The following ZCCHC14 variants were observed in gnomAD, a reference collection of about 807,000 sequenced individuals.
The protein encoded by ZCCHC14 is zinc finger CCHC domain-containing protein 14.
A neutral mutation model predicts 85.0 loss-of-function variants in ZCCHC14; 16 were observed. The ratio of observed to expected loss-of-function variants is 0.19; its 90% CI spans 0.13 to 0.29. The LOEUF is 0.29. Among genes scored for constraint, ZCCHC14 ranks in the 10% least tolerant of loss-of-function variants. The pLI is 1.00. For synonymous variants in ZCCHC14, 775 were observed against 630.7 expected (o/e 1.23, Z -3.43); for missense variants, 1,303 against 1,443.5 (o/e 0.90, Z 1.58).
chr16:87,433,133 A>C lies in ZCCHC14; in HGVS notation c.763T>G (p.Phe255Val). The change falls in exon 3 of 13, where the codon TTT becomes GTT. Residue 255 changes from phenylalanine (F) to valine (V), a missense_variant. Phe to Val is a conservative substitution (Grantham distance 50). This residue lies in a region of ZCCHC14 where 389 missense variants were observed against 397.8 expected (regional missense o/e 0.98). Transcript: ENST00000671377. ...TKNDRNVECS[F>V]EVLWSDSSIT... ...AAAAAAACTTAGCATCTTACCTCAA[A>C]GGAACATTCAACATTTCTGTCATTT... The C allele has an allele frequency of 6.2e-7, 1 of 1,614,210 alleles. No homozygotes were observed. The highest frequency in any genetic ancestry group is 8.5e-7 in the Non-Finnish European group (1 of 1,180,002).
chr16:87,457,057 G>C (rs1313722278), intron 2 of ZCCHC14, among the ~76,000 whole-genome samples: 1 of 152,170 alleles, frequency 6.6e-6, no homozygotes, highest in Non-Finnish European at 1.5e-5. Context: ...ACAGGGACTG[G>C]AGCGCTGGAG....
At chr16:87,455,117 C>G (rs1054560160) in intron 2 of ZCCHC14, among the ~76,000 whole-genome samples, 1 of 152,176 alleles carries the variant, frequency 6.6e-6, no homozygotes, top group African/African-American at 2.4e-5. Context: ...GGAGAAACCC[C>G]ATCTCTACTA....
At chr16:87,451,516 A>G (rs920020219) in intron 2 of ZCCHC14, among the ~76,000 whole-genome samples, 2 of 152,248 alleles carry the variant, frequency 1.3e-5, no homozygotes, top group African/African-American at 4.8e-5. Flanking sequence ...ATTTGTAATG[A>G]TTAGTGATGT....
chr16:87,486,786 A>C (rs1443649467), intron 1 of ZCCHC14, among the ~76,000 whole-genome samples: 1 of 152,260 alleles, frequency 6.6e-6, no homozygotes, highest in Non-Finnish European at 1.5e-5. Flanking sequence ...CTTAGTTCAC[A>C]GACAAGTTCA....
intron 2 of ZCCHC14, among the ~76,000 whole-genome samples, chr16:87,443,611 C>A (rs1264218227): frequency 6.6e-6 from 1 of 152,166 alleles, no homozygotes; most frequent in Admixed American, 6.5e-5. Context: ...GTGGTACACA[C>A]CTGTAGCCCC....
At chr16:87,465,129 C>T (rs73242705) in intron 1 of ZCCHC14, among the ~76,000 whole-genome samples, 7,292 of 152,316 alleles carry the variant, frequency 0.048, 285 homozygotes, top group African/African-American at 0.097. Context: ...CCCTGGCTGT[C>T]CCCTCTGCCT....
chr16:87,469,701 C>G (rs1043369917), intron 1 of ZCCHC14, among the ~76,000 whole-genome samples: 1 of 152,196 alleles, frequency 6.6e-6, no homozygotes, highest in Non-Finnish European at 1.5e-5. Flanking sequence ...TGCTTCAGTG[C>G]TGTCACAGAG....
rs1255394794 is a variant in ZCCHC14 at position 87,420,637 on chromosome 16, C to T, written c.920G>A (p.Arg307Gln). The stretch of plus-strand genomic sequence containing the variant: ...GCCTGAGTCCAGATCCACGTGGTTT[C>T]GCTCCACATAAAATGCGTCCGGACC... ...LAGPDAFYVERNHVDLDSGLR... is the reference protein window; with the variant it reads ...LAGPDAFYVEQNHVDLDSGLR... The change falls in exon 5 of 13, where the codon CGA (arginine) becomes CAA (glutamine). Residue 307 changes from arginine to glutamine, a missense_variant. Physicochemically the swap from Arg to Gln is conservative, Grantham distance 43. Coordinates refer to ENST00000671377, the MANE Select transcript of ZCCHC14 (RefSeq NM_015144.3). The surrounding 1 kb of genome is among the most constrained non-coding windows in gnomAD (Gnocchi z 5.0). 1.2e-6 allele frequency: 2 copies of T among 1,613,816 alleles called. No homozygotes were observed. Among genetic ancestry groups the T allele is most frequent in the Non-Finnish European group, 1.7e-6 (2 of 1,179,846 alleles).
At chr16:87,446,977 G>A (rs1434688820) in intron 2 of ZCCHC14, among the ~76,000 whole-genome samples, 6 of 152,094 alleles carry the variant, frequency 3.9e-5, no homozygotes, top group East Asian at 1.9e-4. Flanking sequence ...ATGAGCCACC[G>A]TGCCCGGCCA....
intron 1 of ZCCHC14, among the ~76,000 whole-genome samples, chr16:87,487,525 G>A (rs1450176686): frequency 6.6e-6 from 1 of 152,184 alleles, no homozygotes; most frequent in African/African-American, 2.4e-5. Context: ...TCCCCAGGCT[G>A]GCTGAGGCCA....
Position 87,414,552 on chromosome 16 carries a change from AT to A in ZCCHC14, c.1476-12del. On this transcript the variant is annotated splice_polypyrimidine_tract_variant and intron_variant, in intron 9 of 12. Coordinates refer to ENST00000671377, the MANE Select transcript of ZCCHC14 (RefSeq NM_015144.3). ...CTCTCTGACTTCTCCCTGTGAAATAATCAAGCACAGGAACAAGTGAGCACTG... is the reference window on the plus strand; with the variant it reads ...CTCTCTGACTTCTCCCTGTGAAATAACAAGCACAGGAACAAGTGAGCACTG... The A allele has an allele frequency of 6.2e-7, 1 of 1,607,658 alleles. No individual in the cohort carries two copies. Among genetic ancestry groups the A allele is most frequent in the Non-Finnish European group, 8.5e-7 (1 of 1,176,440 alleles).
At chr16:87,442,471 T>A (rs1329328373) in intron 2 of ZCCHC14, among the ~76,000 whole-genome samples, 1 of 152,164 alleles carries the variant, frequency 6.6e-6, no homozygotes, top group Non-Finnish European at 1.5e-5. Context: ...AAGCAGCTAC[T>A]GGCACAATGC....
At position 87,410,138 on chromosome 16, in the gene ZCCHC14, A is replaced by G; in HGVS notation, c.*142T>C. ...ATCGAGTTTGATGCACTTCTACGCTAGATTTTCTATCCAGTCTAGGAAAAG... is the reference window on the plus strand; with the variant it reads ...ATCGAGTTTGATGCACTTCTACGCTGGATTTTCTATCCAGTCTAGGAAAAG... On this transcript the variant is annotated 3_prime_UTR_variant, in exon 13 of 13. Coordinates refer to ENST00000671377, the MANE Select transcript of ZCCHC14 (RefSeq NM_015144.3). 1.8e-6 allele frequency: 1 copy of G among 549,770 alleles called. No homozygotes were observed. Among genetic ancestry groups the G allele is most frequent in the Non-Finnish European group, 3.3e-6 (1 of 307,206 alleles). 34.1% of individuals were successfully genotyped at this position (549,770 alleles called of 1,614,324 possible).
At position 87,460,218 on chromosome 16, in the gene ZCCHC14, T is replaced by A. The variant is rs746572214; in HGVS notation, c.571-87A>T. 18 of 1,499,770 alleles carry A rather than the reference T, an allele frequency of 1.2e-5. No individual in the cohort carries two copies. In the East Asian group the frequency reaches 3.4e-4, roughly 29 times the overall value. The allele number at this position is 1,499,770 out of a possible 1,614,324, so 92.9% of individuals were successfully genotyped here. A position where few individuals can be genotyped will look rare whatever the true frequency, so the allele number is the denominator to read the frequency against. The stretch of plus-strand genomic sequence containing the variant: ...ATTTGTTAATTAAGTCTTTCATAAT[T>A]ACCTTGGTTTCCATTTTTCTACAAA... On this transcript the variant is annotated intron_variant, in intron 1 of 12. Coordinates refer to ENST00000671377, the MANE Select transcript of ZCCHC14 (RefSeq NM_015144.3).
At chr16:87,458,357 G>C (rs114938342) in intron 2 of ZCCHC14, among the ~76,000 whole-genome samples, 2 of 152,170 alleles carry the variant, frequency 1.3e-5, no homozygotes, top group Non-Finnish European at 2.9e-5. Context: ...TTGGAGCATC[G>C]CGGCATCACC....
At chr16:87,484,997 A>G (rs1457578704) in intron 1 of ZCCHC14, among the ~76,000 whole-genome samples, 1 of 152,210 alleles carries the variant, frequency 6.6e-6, no homozygotes, top group Non-Finnish European at 1.5e-5. Flanking sequence ...AGGAAACACA[A>G]GAGAAACTAA....
intron 2 of ZCCHC14, among the ~76,000 whole-genome samples, chr16:87,442,455 ACACAGAAG>A (rs1910231965): frequency 6.6e-6 from 1 of 152,198 alleles, no homozygotes; most frequent in South Asian, 2.1e-4. Flanking sequence ...ACTACCAAAG[ACACAGAAG>A]CAGCTACTGG....
intron 1 of ZCCHC14, among the ~76,000 whole-genome samples, chr16:87,479,487 G>A (rs1368605657): frequency 1.3e-5 from 2 of 151,296 alleles, no homozygotes; most frequent in African/African-American, 2.4e-5. Flanking sequence ...TTATGCAAAT[G>A]TCCCAAATAA....
rs1442354504 is a variant in ZCCHC14, at chr16:87,408,523, G to GT, written c.*1756dup. On this transcript the variant is annotated 3_prime_UTR_variant, in exon 13 of 13. Coordinates refer to ENST00000671377, the MANE Select transcript of ZCCHC14 (RefSeq NM_015144.3). ...AGTGTTTACAATTTAAGAGATCAAC[G>GT]TAACATTCCCCTAAATAGCTGTTGT... 22 of 152,652 alleles carry GT rather than the reference G, an allele frequency of 1.4e-4. No homozygotes were observed. The highest frequency in any genetic ancestry group is 5.3e-4 in the African/African-American group (22 of 41,556). 9.5% of individuals were successfully genotyped at this position (152,652 alleles called of 1,614,324 possible).
Sources: allele counts gnomAD v4.1 joint callset (sites outside exome capture counted in the v4.1 genomes callset), GRCh38; gene constraint gnomAD v4.1.1; regional missense constraint gnomAD v4.1.1; non-coding constraint Gnocchi (gnomAD v3.1); transcripts MANE v1.5; gene names NCBI Gene and HGNC (gene_info 2026-07-23, HGNC 2026-07-21).